ACTN1: variants seen among roughly 807,000 people sequenced by gnomAD.
ACTN1 encodes actinin alpha 1, also known as alpha-actinin-1.
A neutral mutation model predicts 119.6 loss-of-function variants in ACTN1; 30 were observed. That is an observed-to-expected ratio of 0.25 (90% CI 0.19 to 0.34). The LOEUF is 0.34. ACTN1 is among the 10% of genes least tolerant of loss of function. The pLI, the probability that ACTN1 is intolerant of heterozygous loss-of-function variation, is 1.00. For missense variants in ACTN1, 764 were observed against 1,223.4 expected (o/e 0.62, Z 5.60); for synonymous variants, 429 against 472.6 (o/e 0.91, Z 1.20).
At position 68,884,762 on chromosome 14, in the gene ACTN1, T is replaced by C; in HGVS notation, c.1494+13A>G. The stretch of plus-strand genomic sequence containing the variant: ...CCGGATATGGGCCTAGATCTCCCTC[T>C]GGGACCTCTCACCTCCAGAGCTTCC... On this transcript the variant is annotated intron_variant, in intron 13 of 21. Transcript: ENST00000394419. 6.3e-7 allele frequency: 1 copy of C among 1,597,118 alleles called. No homozygotes were observed. The highest frequency in any genetic ancestry group is 1.1e-5 in the South Asian group (1 of 90,746).
At chr14:68,952,363 C>T (rs56038222) in intron 1 of ACTN1, among the ~76,000 whole-genome samples, 8,656 of 152,310 alleles carry the variant, frequency 0.057, 271 homozygotes, top group African/African-American at 0.073. Flanking sequence ...AGGCGGCCAA[C>T]GGCAGGGAGT....
In ACTN1 at chr14:68,884,725, A is replaced by C. The variant is rs1325572401; in HGVS notation, c.1494+50T>G. The C allele has an allele frequency of 2.0e-6, 3 of 1,472,122 alleles. No individual in the cohort carries two copies. The South Asian group carries it at 3.4e-5, about 17-fold the overall frequency. 91.2% of individuals were successfully genotyped at this position (1,472,122 alleles called of 1,614,324 possible). A position where few individuals can be genotyped will look rare whatever the true frequency, so the allele number is the denominator to read the frequency against. ...AGAGAGTCAAGAAGCAGGAAGGGGC[A>C]CCACAGGGCTGCCGGATATGGGCCT... On this transcript the variant is annotated intron_variant, in intron 13 of 21. Coordinates refer to ENST00000394419, the MANE Select transcript of ACTN1 (RefSeq NM_001130004.2).
chr14:68,946,038 T>A (rs1038549426), intron 1 of ACTN1, among the ~76,000 whole-genome samples: 14 of 152,124 alleles, frequency 9.2e-5, no homozygotes, highest in Non-Finnish European at 2.1e-4. Context: ...GGAGCCAGAA[T>A]TCCACCCGCG....
intron 1 of ACTN1, among the ~76,000 whole-genome samples, chr14:68,926,842 C>T (rs922743579): frequency 7.9e-5 from 12 of 152,030 alleles, no homozygotes; most frequent in Non-Finnish European, 1.8e-4. Context: ...ATCACACCAG[C>T]GAGTATCAGG....
chr14:68,893,632 C>T (rs770041625), intron 9 of ACTN1, 23 bp downstream of exon 9: 1 of 1,611,092 alleles, frequency 6.2e-7, no homozygotes, highest in Admixed American at 1.7e-5. Context: ...AGAGTCAGGC[C>T]AGGTGAACCC....
intron 6 of ACTN1, among the ~76,000 whole-genome samples, chr14:68,905,894 A>C (rs2033634376): frequency 6.6e-6 from 1 of 151,806 alleles, no homozygotes. Flanking sequence ...GGGACAGGAG[A>C]ATTGCTTGAA....
At chr14:68,945,163 CAAA>C (rs11408138) in intron 1 of ACTN1, among the ~76,000 whole-genome samples, 3 of 120,094 alleles carry the variant, frequency 2.5e-5, no homozygotes, top group Non-Finnish European at 3.4e-5. Context: ...GACTCCGGTT[CAAA>C]AAAAAAAAAA....
At chr14:68,889,583 T>C (rs543958125) in intron 11 of ACTN1, among the ~76,000 whole-genome samples, 7 of 152,138 alleles carry the variant, frequency 4.6e-5, no homozygotes, top group Non-Finnish European at 8.8e-5. Flanking sequence ...TCACCTGAGA[T>C]CAGGAGTTCA....
chr14:68,935,798 A>G (rs1380035542), intron 1 of ACTN1, among the ~76,000 whole-genome samples: 2 of 152,228 alleles, frequency 1.3e-5, no homozygotes, highest in Admixed American at 6.5e-5. Flanking sequence ...TTTGTTGCAC[A>G]GTGGAATAAA....
At chr14:68,948,724 G>C (rs371236503) in intron 1 of ACTN1, among the ~76,000 whole-genome samples, 5 of 150,840 alleles carry the variant, frequency 3.3e-5, no homozygotes, top group African/African-American at 9.7e-5. Context: ...TATTTTCATG[G>C]CCTCTCTTTC....
chr14:68,911,842 G>A (rs750456790), intron 4 of ACTN1, among the ~76,000 whole-genome samples: 4 of 152,256 alleles, frequency 2.6e-5, no homozygotes, highest in East Asian at 1.9e-4. Context: ...CCTCCCAGCC[G>A]CTATTTCCCC....
intron 11 of ACTN1, 51 bp downstream of exon 11, chr14:68,890,088 G>C (rs1261066928): frequency 6.3e-7 from 1 of 1,595,466 alleles, no homozygotes; most frequent in South Asian, 1.1e-5. Flanking sequence ...CTGGGCTGAA[G>C]AGTAGGGAAG....
At chr14:68,960,890 T>C (rs549530688) in intron 1 of ACTN1, among the ~76,000 whole-genome samples, 2 of 152,178 alleles carry the variant, frequency 1.3e-5, no homozygotes, top group South Asian at 2.1e-4. Context: ...CTGATCAACA[T>C]AGCAAGACCC....
In ACTN1 at chr14:68,909,438, G is replaced by A; in HGVS notation, c.516-42C>T. On this transcript the variant is annotated intron_variant, in intron 5 of 21. Transcript: ENST00000394419. This position sits in a 1 kb window ranked among gnomAD's most constrained non-coding sequence, Gnocchi z 4.1. ...AAGAAGGAGCAGGCTGGTAAATGAG[G>A]CTGAACAAACGGGCAACCAGGGCAA... is the stretch of plus-strand genomic sequence containing the variant. 6.2e-7 allele frequency: 1 copy of A among 1,606,584 alleles called. No individual in the cohort carries two copies. Among genetic ancestry groups the A allele is most frequent in the Non-Finnish European group, 8.5e-7 (1 of 1,174,134 alleles).
At chr14:68,875,336 G>C (rs898836088) in intron 21 of ACTN1, among the ~76,000 whole-genome samples, 3 of 152,242 alleles carry the variant, frequency 2.0e-5, no homozygotes, top group Admixed American at 6.5e-5. Context: ...GCGTGCTGGA[G>C]CAGTATCAGC....
Position 68,874,782 on chromosome 14 carries a change from C to G in ACTN1, c.*77G>C. 7.1e-7 allele frequency: 1 copy of G among 1,400,466 alleles called. No homozygotes were observed. The highest frequency in any genetic ancestry group is 9.4e-7 in the Non-Finnish European group (1 of 1,068,476). 86.8% of individuals were successfully genotyped at this position (1,400,466 alleles called of 1,614,324 possible). ...TGGAGGCTGGGAGCTGAAACCGAAC[C>G]CAGGCAGGAGATGGGCGACGGCGGA... On this transcript the variant is annotated 3_prime_UTR_variant, in exon 22 of 22. Coordinates refer to ENST00000394419, the MANE Select transcript of ACTN1 (RefSeq NM_001130004.2).
At chr14:68,958,241 C>A (rs1172220576) in intron 1 of ACTN1, among the ~76,000 whole-genome samples, 1 of 152,194 alleles carries the variant, frequency 6.6e-6, no homozygotes, top group African/African-American at 2.4e-5. Context: ...GAAATGTATG[C>A]TCAGAGGCAG....
rs373619664 is a variant in ACTN1, at chr14:68,919,286, A to G, written c.340+1720T>C. On this transcript the variant is annotated intron_variant, in intron 3 of 21. Coordinates refer to ENST00000394419, the MANE Select transcript of ACTN1 (RefSeq NM_001130004.2). ...TTAGGACATGACTCTCTAGCTTGCC[A>G]CGGTCCCTACCCACCCCTGCCACTG... Among the ~76,000 whole-genome samples the G allele has an allele frequency of 1.6e-3, 239 of 152,220 alleles. 2 individuals are homozygous for G. The highest frequency in any genetic ancestry group is 5.2e-3 in the African/African-American group (218 of 41,530).
chr14:68,944,144 A>C (rs2035853529), intron 1 of ACTN1, among the ~76,000 whole-genome samples: 1 of 152,232 alleles, frequency 6.6e-6, no homozygotes, highest in Admixed American at 6.5e-5. Context: ...CTGGGGATGC[A>C]GAATGGGCCA....
Sources: gnomAD v4.1 joint callset for allele counts (sites outside exome capture counted in the v4.1 genomes callset) on GRCh38, gnomAD v4.1.1 for gene constraint, Gnocchi (gnomAD v3.1) non-coding constraint, MANE v1.5 for transcripts, NCBI Gene and HGNC (gene_info 2026-07-23, HGNC 2026-07-21) for gene names.